RPTOR: variants seen among roughly 807,000 people sequenced by gnomAD.
RPTOR encodes regulatory-associated protein of mTOR.
Under a neutral mutation model 169.9 loss-of-function variants are expected in RPTOR, and 21 were observed. The ratio of observed to expected loss-of-function variants is 0.12; its 90% CI spans 0.09 to 0.18. The LOEUF is 0.18. Ranked by LOEUF, RPTOR falls within the 10% of genes least tolerant of loss-of-function variation. The pLI, the probability that RPTOR is intolerant of heterozygous loss-of-function variation, is 1.00. For missense variants in RPTOR, 1,133 were observed against 1,855.9 expected (o/e 0.61, Z 7.16); for synonymous variants, 732 against 753.2 (o/e 0.97, Z 0.46).
chr17:80,948,232 T>G (rs941219462), intron 27 of RPTOR, among the ~76,000 whole-genome samples: 7 of 152,236 alleles, frequency 4.6e-5, no homozygotes, highest in Non-Finnish European at 8.8e-5. Context: ...GAGTCGGTTG[T>G]GCTGACAAGT....
intron 1 of RPTOR, among the ~76,000 whole-genome samples, chr17:80,597,804 G>A (rs1163952004): frequency 6.6e-6 from 1 of 151,768 alleles, no homozygotes; most frequent in Non-Finnish European, 1.5e-5. Flanking sequence ...GTGAGATGCT[G>A]TGCCTGGCCA....
intron 6 of RPTOR, among the ~76,000 whole-genome samples, chr17:80,756,835 A>C (rs940424980): frequency 4.6e-5 from 7 of 152,250 alleles, no homozygotes; most frequent in Non-Finnish European, 8.8e-5. Flanking sequence ...ATCATATATC[A>C]ATTTAAAGAA....
chr17:80,843,583 G>T (rs903237329), intron 10 of RPTOR, among the ~76,000 whole-genome samples: 1 of 151,970 alleles, frequency 6.6e-6, no homozygotes, highest in Admixed American at 6.6e-5. Context: ...CTACAGAGCC[G>T]TACAGGGGGG....
At position 80,960,169 on chromosome 17, in the gene RPTOR, T is replaced by C; in HGVS notation, c.3569T>C (p.Ile1190Thr). Residue 1190 changes from isoleucine to threonine, a missense_variant, in exon 30 of 34, where the codon ATC becomes ACC. Physicochemically the swap from Ile to Thr is moderately conservative, Grantham distance 89. This residue lies in a region of RPTOR where 410 missense variants were observed against 623.7 expected (regional missense o/e 0.66). Transcript: ENST00000306801. The surrounding 1 kb of genome is among the most constrained non-coding windows in gnomAD (Gnocchi z 4.8). ...LIVAGLGDGSIRVYDRRMALS... is the reference protein window; with the variant it reads ...LIVAGLGDGSTRVYDRRMALS... ...GTGGCTGGCCTCGGTGACGGCTCCA[T>C]CCGCGTCTACGACAGAAGGATGGCA... 1 of 1,613,548 alleles carries C rather than the reference T, an allele frequency of 6.2e-7. No homozygotes were observed. The highest frequency in any genetic ancestry group is 8.5e-7 in the Non-Finnish European group (1 of 1,180,000).
intron 6 of RPTOR, among the ~76,000 whole-genome samples, chr17:80,780,879 T>C (rs2066935526): frequency 6.6e-6 from 1 of 152,224 alleles, no homozygotes; most frequent in Admixed American, 6.5e-5. Context: ...TAATTGAGTT[T>C]GAGTCAGTGC....
At chr17:80,877,626 T>C (rs2068136376) in intron 13 of RPTOR, among the ~76,000 whole-genome samples, 1 of 152,228 alleles carries the variant, frequency 6.6e-6, no homozygotes, top group Non-Finnish European at 1.5e-5. Flanking sequence ...AACCTGTGGT[T>C]AAAACAAAGG....
At chr17:80,825,725 C>T (rs535935795) in intron 9 of RPTOR, among the ~76,000 whole-genome samples, 3 of 152,244 alleles carry the variant, frequency 2.0e-5, no homozygotes, top group Non-Finnish European at 2.9e-5. Context: ...GTGGACACTC[C>T]GGCTTTTCTC....
intron 1 of RPTOR, chr17:80,602,651 A>G: frequency 8.7e-6 from 6 of 687,076 alleles, no homozygotes; most frequent in Admixed American, 1.8e-5. Context: ...CATCCTCATT[A>G]CATTTTCTGG....
intron 1 of RPTOR, among the ~76,000 whole-genome samples, chr17:80,588,453 G>T (rs181211511): frequency 1.3e-5 from 2 of 152,126 alleles, no homozygotes; most frequent in Non-Finnish European, 2.9e-5. Context: ...GAGCCACCAC[G>T]TCTGGCCTAT....
intron 1 of RPTOR, among the ~76,000 whole-genome samples, chr17:80,603,709 A>C (rs1431749375): frequency 6.6e-6 from 1 of 152,230 alleles, no homozygotes; most frequent in Non-Finnish European, 1.5e-5. Flanking sequence ...CCCCGCCCCC[A>C]TGGAGGCTCA....
At chr17:80,921,398 G>A (rs530318166) in intron 21 of RPTOR, among the ~76,000 whole-genome samples, 1 of 152,306 alleles carries the variant, frequency 6.6e-6, no homozygotes, top group African/African-American at 2.4e-5. Flanking sequence ...CTGGAGTCCA[G>A]AACCCAGCGG....
chr17:80,679,869 G>C (rs907381068), intron 3 of RPTOR, among the ~76,000 whole-genome samples: 1 of 152,138 alleles, frequency 6.6e-6, no homozygotes, highest in Non-Finnish European at 1.5e-5. Flanking sequence ...AAGAGGCAGG[G>C]TTAACAATTC....
chr17:80,922,879 C>G (rs527477421), intron 22 of RPTOR, 52 bp downstream of exon 22: 1 of 1,455,268 alleles, frequency 6.9e-7, no homozygotes, highest in Non-Finnish European at 9.3e-7. Flanking sequence ...CGGGGCCCCA[C>G]GGGCTGAGCT....
At chr17:80,620,840 A>T (rs945992692) in intron 1 of RPTOR, among the ~76,000 whole-genome samples, 5 of 151,960 alleles carry the variant, frequency 3.3e-5, no homozygotes, top group African/African-American at 1.2e-4. Context: ...AGCAAGACGT[A>T]TTTTTTTTGG....
chr17:80,791,908 C>G (rs1336201020), intron 7 of RPTOR, among the ~76,000 whole-genome samples: 1 of 152,040 alleles, frequency 6.6e-6, no homozygotes, highest in South Asian at 2.1e-4. Flanking sequence ...TCCATCCCCT[C>G]CCCCCCTGTC....
chr17:80,815,263 TAG>T (rs969769059), intron 7 of RPTOR, among the ~76,000 whole-genome samples: 1 of 152,226 alleles, frequency 6.6e-6, no homozygotes, highest in African/African-American at 2.4e-5. Flanking sequence ...GCTGGCCCCA[TAG>T]AGAGAGAGCT....
intron 12 of RPTOR, among the ~76,000 whole-genome samples, chr17:80,856,213 T>C (rs1279082643): frequency 6.6e-6 from 1 of 152,180 alleles, no homozygotes; most frequent in African/African-American, 2.4e-5. Context: ...CATAAAACAA[T>C]TAGAAATTTT....
chr17:80,962,970 A>C lies in RPTOR; in HGVS notation c.3852A>C (p.Gly1284=). ...NQFTAIYNSS[G]ELINNIKYYD... The stretch of plus-strand genomic sequence containing the variant: ...TCACCGCCATCTACAACAGCAGCGG[A>C]GAGCTCATCAACAACATCAAGTACT... The change falls in exon 33 of 34, where the codon GGA becomes GGC. Residue 1284 remains glycine (G), a synonymous_variant. Transcript: ENST00000306801. 1 of 1,613,354 alleles carries C rather than the reference A, an allele frequency of 6.2e-7. No individual in the cohort carries two copies. The highest frequency in any genetic ancestry group is 8.5e-7 in the Non-Finnish European group (1 of 1,179,786).
chr17:80,632,079 T>TC (rs1178277297), intron 2 of RPTOR, among the ~76,000 whole-genome samples: 1 of 152,152 alleles, frequency 6.6e-6, no homozygotes, highest in Non-Finnish European at 1.5e-5. Flanking sequence ...AGGCTGCTTG[T>TC]CCCCCACACC....
Sources: gnomAD v4.1 joint callset for allele counts (sites outside exome capture counted in the v4.1 genomes callset) on GRCh38, gnomAD v4.1.1 for gene constraint, gnomAD v4.1.1 regional missense constraint, Gnocchi (gnomAD v3.1) non-coding constraint, MANE v1.5 for transcripts, NCBI Gene and HGNC (gene_info 2026-07-23, HGNC 2026-07-21) for gene names.